Variants in RWDD3 observed in about 807,000 individuals in gnomAD.
RWDD3 encodes RWD domain containing 3, also known as RWD domain-containing protein 3.
A neutral mutation model predicts 26.5 loss-of-function variants in RWDD3; 30 were observed. The ratio of observed to expected loss-of-function variants is 1.13; its 90% CI spans 0.85 to 1.54. The LOEUF (loss-of-function observed/expected upper bound fraction) is 1.54. Ranked by LOEUF, RWDD3 falls within the 40% of genes most tolerant of loss-of-function variation. The pLI is 0.00. For missense variants in RWDD3, 296 were observed against 309.1 expected (o/e 0.96, Z 0.32); for synonymous variants, 113 against 114.5 (o/e 0.99, Z 0.09).
intron 2 of RWDD3, among the ~76,000 whole-genome samples, chr1:95,245,258 C>T (rs765367519): frequency 5.9e-5 from 9 of 152,158 alleles, no homozygotes; most frequent in African/African-American, 2.2e-4. Context: ...TTTTGCTTTC[C>T]ACCTGACTTG....
rs554743827 is a variant in RWDD3 at position 95,244,435 on chromosome 1, G to A, written c.310G>A (p.Val104Ile). The change falls in exon 2 of 4, where the codon GTT (valine) becomes ATT (isoleucine). Residue 104 changes from valine (V) to isoleucine (I), a missense_variant. Physicochemically the swap from Val to Ile is conservative, Grantham distance 29 (BLOSUM62 3). Coordinates refer to ENST00000370202, the MANE Select transcript of RWDD3 (RefSeq NM_015485.5). Reference protein sequence around the residue: ...LLSEPMVHELVLWIQQNLRHI... With the variant: ...LLSEPMVHELILWIQQNLRHI... ...GTCGGAGCCTATGGTTCATGAGCTG[G>A]TTCTCTGGATTCAGCAGAATCTCAG... The A allele has an allele frequency of 8.7e-6, 14 of 1,614,186 alleles. No individual in the cohort carries two copies. The East Asian group carries it at 2.0e-4, about 23-fold the overall frequency.
chr1:95,241,815 G>C (rs745766858), intron 1 of RWDD3, among the ~76,000 whole-genome samples: 3 of 152,088 alleles, frequency 2.0e-5, no homozygotes, highest in Admixed American at 6.5e-5. Flanking sequence ...AAATGACAAG[G>C]GTCATGAGTA....
intron 1 of RWDD3, among the ~76,000 whole-genome samples, chr1:95,236,621 T>G (rs987464721): frequency 6.6e-6 from 1 of 152,192 alleles, no homozygotes; most frequent in Non-Finnish European, 1.5e-5. Flanking sequence ...GTTTACTCAC[T>G]TTTAGTGTTT....
Position 95,247,022 on chromosome 1 carries a change from C to T in RWDD3, c.*152C>T, listed in dbSNP as rs1680878066. 2.2e-6 allele frequency: 1 copy of T among 448,368 alleles called. No homozygotes were observed. 27.8% of individuals were successfully genotyped at this position (448,368 alleles called of 1,614,324 possible). A position where few individuals can be genotyped will look rare whatever the true frequency, so the allele number is the denominator to read the frequency against. Reference sequence around the variant, plus strand: ...CTAACTTCAGGAACAAAAGCCAGTTCTGTTTTATGAAATATTAAACATGAA... The same window carrying T: ...CTAACTTCAGGAACAAAAGCCAGTTTTGTTTTATGAAATATTAAACATGAA... On this transcript the variant is annotated 3_prime_UTR_variant, in exon 4 of 4. Transcript: ENST00000370202.
At chr1:95,239,802 T>G in intron 1 of RWDD3, 2 of 1,286,162 alleles carry the variant, frequency 1.6e-6, no homozygotes, top group African/African-American at 1.5e-5. Context: ...CAGAGAAAAA[T>G]GAAAATTGGT....
At chr1:95,235,204 G>C (rs1012757202) in intron 1 of RWDD3, among the ~76,000 whole-genome samples, 3 of 148,796 alleles carry the variant, frequency 2.0e-5, no homozygotes, top group African/African-American at 7.4e-5. Flanking sequence ...CCACCACCAC[G>C]CCCGGCTAAT....
At chr1:95,236,993 T>C (rs1680389340) in intron 1 of RWDD3, among the ~76,000 whole-genome samples, 1 of 152,206 alleles carries the variant, frequency 6.6e-6, no homozygotes, top group Non-Finnish European at 1.5e-5. Flanking sequence ...AAGCCATGCC[T>C]CCTAATTAGT....
At position 95,247,086 on chromosome 1, in the gene RWDD3, G is replaced by A. The variant is rs1421364574; in HGVS notation, c.*216G>A. ...TTCTAATGTTTGCCAGGAAAGGCTA[G>A]GTTCAGTAGATGAGACATTATTTAA... On this transcript the variant is annotated 3_prime_UTR_variant, in exon 4 of 4. Coordinates refer to ENST00000370202, the MANE Select transcript of RWDD3 (RefSeq NM_015485.5). The A allele has an allele frequency of 3.0e-6, 1 of 333,606 alleles. No individual in the cohort carries two copies. The highest frequency in any genetic ancestry group is 2.1e-5 in the African/African-American group (1 of 47,060). 20.7% of individuals were successfully genotyped at this position (333,606 alleles called of 1,614,324 possible).
chr1:95,237,710 G>T (rs543471495), intron 1 of RWDD3, among the ~76,000 whole-genome samples: 1 of 152,282 alleles, frequency 6.6e-6, no homozygotes, highest in Admixed American at 6.5e-5. Context: ...CAGTCCAGGT[G>T]CCAGATTTGA....
At chr1:95,244,161 A>G in intron 1 of RWDD3, 50 bp from the exon 2 acceptor site, 1 of 1,562,916 alleles carries the variant, frequency 6.4e-7, no homozygotes, top group Non-Finnish European at 8.7e-7. Flanking sequence ...CTGGTGTTCC[A>G]TTCAAATTGA....
chr1:95,239,513 CCA>C (rs748144027), intron 1 of RWDD3, among the ~76,000 whole-genome samples: 4 of 152,084 alleles, frequency 2.6e-5, no homozygotes, highest in Non-Finnish European at 4.4e-5. Context: ...ACATTAAATA[CCA>C]GAAGAATGGA....
intron 1 of RWDD3, among the ~76,000 whole-genome samples, chr1:95,235,351 CTTTTTTTTTTTT>C (rs1166711835): frequency 4.8e-5 from 2 of 41,352 alleles, no homozygotes; most frequent in South Asian, 1.9e-3. Flanking sequence ...TGCGCCCGGC[CTTTTTTTTTTTT>C]TTTTTTTTTT....
intron 1 of RWDD3, among the ~76,000 whole-genome samples, chr1:95,235,222 A>AT (rs1303535022): frequency 1.6e-3 from 190 of 121,104 alleles, no homozygotes; most frequent in Admixed American, 2.9e-3. Flanking sequence ...AATTTTTTGT[A>AT]TTTTTTTTTT....
chr1:95,246,327 T>C (rs1441484490), intron 2 of RWDD3: 2 of 385,654 alleles, frequency 5.2e-6, no homozygotes, highest in African/African-American at 4.1e-5. Flanking sequence ...AGATTTAAAC[T>C]TGAGGAGTTG....
In RWDD3 at chr1:95,244,899, G is replaced by T. The variant is rs1680790077; in HGVS notation, c.573+201G>T. The stretch of plus-strand genomic sequence containing the variant: ...CAAGTACAAACTTGCAAAGCTTGAA[G>T]AATAAGATTGCATTTTAAAAATCAT... On this transcript the variant is annotated intron_variant, in intron 2 of 3. Coordinates refer to ENST00000370202, the MANE Select transcript of RWDD3 (RefSeq NM_015485.5). 3 of 566,940 alleles carry T rather than the reference G, an allele frequency of 5.3e-6. No individual in the cohort carries two copies. In the Admixed American group the frequency reaches 1.1e-4, roughly 21 times the overall value. 35.1% of individuals were successfully genotyped at this position (566,940 alleles called of 1,614,324 possible).
At chr1:95,234,178 G>T, upstream of RWDD3, 3 of 1,530,116 alleles carry the variant, frequency 2.0e-6, no homozygotes, top group South Asian at 3.6e-5. Context: ...GCCGGTGGAG[G>T]CGGCGGCTGC....
chr1:95,234,394 AGCCTGGGCACCCC>A, intron 1 of RWDD3, 79 bp downstream of exon 1: 1 of 1,361,236 alleles, frequency 7.3e-7, no homozygotes, highest in Non-Finnish European at 1.0e-6. Flanking sequence ...CCCACCACGG[AGCCTGGGCACCCC>A]GCCTGGGCCC....
rs1473591617 is a variant in RWDD3 at position 95,246,524 on chromosome 1, T to C, written c.574-18T>C. Reference sequence around the variant, plus strand: ...CTCAGAGTAAGATATGTATTTAATGTACTGATTTATTATTTAGGAGTACTT... The same window carrying C: ...CTCAGAGTAAGATATGTATTTAATGCACTGATTTATTATTTAGGAGTACTT... On this transcript the variant is annotated intron_variant, in intron 2 of 3. Transcript: ENST00000370202. 1 of 1,390,458 alleles carries C rather than the reference T, an allele frequency of 7.2e-7. No individual in the cohort carries two copies. The highest frequency in any genetic ancestry group is 1.0e-6 in the Non-Finnish European group (1 of 981,720). 86.1% of individuals were successfully genotyped at this position (1,390,458 alleles called of 1,614,324 possible).
At chr1:95,240,833 T>G (rs1680587745) in intron 1 of RWDD3, among the ~76,000 whole-genome samples, 1 of 150,940 alleles carries the variant, frequency 6.6e-6, no homozygotes, top group East Asian at 2.0e-4. Context: ...GAATGCTAAG[T>G]ATGAAAGAAG....
Sources: allele counts gnomAD v4.1 joint callset (sites outside exome capture counted in the v4.1 genomes callset), GRCh38; gene constraint gnomAD v4.1.1; transcripts MANE v1.5; gene names NCBI Gene and HGNC (gene_info 2026-07-23, HGNC 2026-07-21).